ADGRB3: variants seen among roughly 807,000 people sequenced by gnomAD.
ADGRB3 encodes the protein adhesion G protein-coupled receptor B3.
A neutral mutation model predicts 193.4 loss-of-function variants in ADGRB3; 37 were observed. The observed-to-expected ratio is 0.19, with a 90% CI of 0.15 to 0.25. ADGRB3 has a LOEUF of 0.25. Among genes scored for constraint, ADGRB3 ranks in the 10% least tolerant of loss-of-function variants. ADGRB3 has a pLI of 1.00. For missense variants in ADGRB3, 1,637 were observed against 1,852.9 expected (o/e 0.88, Z 2.14); for synonymous variants, 690 against 644.2 (o/e 1.07, Z -1.08).
At chr6:68,924,891 A>G (rs1767138668) in intron 3 of ADGRB3, among the ~76,000 whole-genome samples, 2 of 151,966 alleles carry the variant, frequency 1.3e-5, no homozygotes, top group Admixed American at 1.3e-4. Context: ...GATTAATCTT[A>G]TTTTATGTAA....
At chr6:68,754,675 A>G (rs965585371) in intron 3 of ADGRB3, among the ~76,000 whole-genome samples, 3 of 152,104 alleles carry the variant, frequency 2.0e-5, no homozygotes, top group Non-Finnish European at 4.4e-5. Flanking sequence ...CTAAGTCTAG[A>G]TGGGACTCCC....
Position 68,639,227 on chromosome 6 carries a change from G to C in ADGRB3, c.552G>C (p.Gly184=). 1 of 1,614,124 alleles carries C rather than the reference G, an allele frequency of 6.2e-7. No individual in the cohort carries two copies. Among genetic ancestry groups the C allele is most frequent in the Non-Finnish European group, 8.5e-7 (1 of 1,180,004 alleles). The change falls in exon 3 of 32, where the codon GGG becomes GGC. Residue 184 remains glycine, a synonymous_variant. Coordinates refer to ENST00000370598, the MANE Select transcript of ADGRB3 (RefSeq NM_001704.3). ...AGAGCTGCTTAAAATCAGAAAATGG[G>C]AGAACAGAATCATGTGGGATCATGT... ...WLESCLKSEN[G]RTESCGIMYT... is the part of the protein sequence containing the mutation.
chr6:68,896,777 A>G (rs1279367586), intron 3 of ADGRB3, among the ~76,000 whole-genome samples: 2 of 152,174 alleles, frequency 1.3e-5, no homozygotes, highest in Non-Finnish European at 2.9e-5. Context: ...TTGATCATCA[A>G]AGATAAAAAT....
chr6:68,733,696 G>A (rs2127334393), intron 3 of ADGRB3, among the ~76,000 whole-genome samples: 1 of 150,966 alleles, frequency 6.6e-6, no homozygotes, highest in South Asian at 2.1e-4. Flanking sequence ...TGGTTAGTGG[G>A]TACAAAAATA....
chr6:69,080,973 G>C (rs532198030), intron 17 of ADGRB3, among the ~76,000 whole-genome samples: 3 of 151,974 alleles, frequency 2.0e-5, no homozygotes, highest in Admixed American at 2.0e-4. Flanking sequence ...GTGCCAGCAT[G>C]TTCCATTTTA....
intron 29 of ADGRB3, among the ~76,000 whole-genome samples, chr6:69,369,960 C>A (rs963041997): frequency 6.6e-6 from 1 of 152,066 alleles, no homozygotes; most frequent in South Asian, 2.1e-4. Flanking sequence ...ACTGGCTCAT[C>A]TATTGTTATT....
At chr6:69,384,852 T>A (rs1770029871) in intron 31 of ADGRB3, among the ~76,000 whole-genome samples, 1 of 152,046 alleles carries the variant, frequency 6.6e-6, no homozygotes, top group South Asian at 2.1e-4. Flanking sequence ...TCATTATCTT[T>A]AATTTAGTCA....
chr6:68,683,733 G>A (rs1022524376), intron 3 of ADGRB3, among the ~76,000 whole-genome samples: 1 of 152,264 alleles, frequency 6.6e-6, no homozygotes, highest in Middle Eastern at 3.4e-3. Context: ...TGTGAGCAGA[G>A]AAGTGACGTC....
At chr6:68,961,006 T>C (rs1768216602) in intron 8 of ADGRB3, among the ~76,000 whole-genome samples, 1 of 152,146 alleles carries the variant, frequency 6.6e-6, no homozygotes, top group Non-Finnish European at 1.5e-5. Context: ...AGTTGAAATA[T>C]CACCTCAACA....
At position 69,032,381 on chromosome 6, in the gene ADGRB3, C is replaced by T. The variant is rs148569278; in HGVS notation, c.2107+13882C>T. Among the ~76,000 whole-genome samples the T allele has an allele frequency of 3.3e-3, 507 of 152,244 alleles. 2 individuals are homozygous for T. Among genetic ancestry groups the T allele is most frequent in the African/African-American group, 0.012 (484 of 41,544 alleles). On this transcript the variant is annotated intron_variant, in intron 13 of 31. Coordinates refer to ENST00000370598, the MANE Select transcript of ADGRB3 (RefSeq NM_001704.3). ...TGATTTGAAATTAGTAAAGTTATCA[C>T]GCTATATGCCTTCTTTTCAATTTTG...
intron 13 of ADGRB3, among the ~76,000 whole-genome samples, chr6:69,032,552 A>C (rs1308657724): frequency 6.6e-6 from 1 of 152,202 alleles, no homozygotes; most frequent in Non-Finnish European, 1.5e-5. Flanking sequence ...AAGAGAAAAG[A>C]GGTATTGACT....
intron 11 of ADGRB3, among the ~76,000 whole-genome samples, chr6:69,008,571 C>G (rs1225752705): frequency 6.6e-6 from 1 of 152,096 alleles, no homozygotes; most frequent in Non-Finnish European, 1.5e-5. Flanking sequence ...CTTTGCTGAA[C>G]AAAGCAGCAC....
intron 24 of ADGRB3, among the ~76,000 whole-genome samples, chr6:69,337,148 A>AT (rs748469002): frequency 7.5e-4 from 115 of 152,326 alleles, no homozygotes; most frequent in Non-Finnish European, 1.1e-3. Context: ...ACTTAAAATT[A>AT]TTTTTTAGTA....
chr6:69,230,580 T>G (rs529446770), intron 17 of ADGRB3, among the ~76,000 whole-genome samples: 3 of 152,250 alleles, frequency 2.0e-5, no homozygotes, highest in Non-Finnish European at 4.4e-5. Flanking sequence ...CTATATAGTT[T>G]GTAATAATAG....
chr6:69,157,079 C>A (rs1242247905), intron 17 of ADGRB3, among the ~76,000 whole-genome samples: 1 of 152,178 alleles, frequency 6.6e-6, no homozygotes, highest in Non-Finnish European at 1.5e-5. Flanking sequence ...ATACCATTCA[C>A]GCCTTACTGG....
intron 17 of ADGRB3, among the ~76,000 whole-genome samples, chr6:69,147,158 C>T (rs112818854): frequency 3.6e-4 from 54 of 151,960 alleles, no homozygotes; most frequent in African/African-American, 1.1e-3. Flanking sequence ...CAGCTCTGAT[C>T]TTTATTATTT....
chr6:69,157,320 A>G (rs575976867), intron 17 of ADGRB3, among the ~76,000 whole-genome samples: 1 of 152,308 alleles, frequency 6.6e-6, no homozygotes, highest in South Asian at 2.1e-4. Flanking sequence ...GAACCTAGGG[A>G]CATAGGTGTT....
At chr6:69,043,323 A>AGAAT (rs1462941800) in intron 13 of ADGRB3, among the ~76,000 whole-genome samples, 4 of 149,774 alleles carry the variant, frequency 2.7e-5, no homozygotes, top group African/African-American at 9.8e-5. Context: ...AAAGAAAGAA[A>AGAAT]GAAAGAAAGA....
At chr6:69,227,510 T>C (rs888858683) in intron 17 of ADGRB3, among the ~76,000 whole-genome samples, 3 of 152,152 alleles carry the variant, frequency 2.0e-5, no homozygotes, top group South Asian at 4.1e-4. Context: ...GAAGAGATTA[T>C]CCCAGGCAAG....
Sources: allele counts gnomAD v4.1 joint callset (sites outside exome capture counted in the v4.1 genomes callset), GRCh38; gene constraint gnomAD v4.1.1; transcripts MANE v1.5; gene names NCBI Gene and HGNC (gene_info 2026-07-23, HGNC 2026-07-21).